Variants in CNBD1 observed in about 807,000 individuals in gnomAD.
The protein encoded by CNBD1 is cyclic nucleotide-binding domain-containing protein 1.
Under a neutral mutation model 54.4 loss-of-function variants are expected in CNBD1, and 71 were observed. The observed-to-expected ratio is 1.30, with a 90% CI of 1.08 to 1.59. The LOEUF is 1.59. Ranked by LOEUF, CNBD1 falls within the 40% of genes most tolerant of loss-of-function variation. The pLI is 0.00. For synonymous variants in CNBD1, 182 were observed against 170.7 expected (o/e 1.07, Z -0.51); for missense variants, 659 against 518.0 (o/e 1.27, Z -2.64).
At chr8:87,152,397 G>A (rs1812623104) in intron 4 of CNBD1, among the ~76,000 whole-genome samples, 1 of 149,844 alleles carries the variant, frequency 6.7e-6, no homozygotes, top group African/African-American at 2.5e-5. Context: ...ATTGTCTTTG[G>A]CCACACAGAA....
At chr8:87,138,085 A>T (rs1285639274) in intron 4 of CNBD1, among the ~76,000 whole-genome samples, 1 of 152,170 alleles carries the variant, frequency 6.6e-6, no homozygotes, top group Non-Finnish European at 1.5e-5. Flanking sequence ...GTTACCAGAT[A>T]GGTTAGTTGA....
intron 8 of CNBD1, among the ~76,000 whole-genome samples, chr8:87,348,317 T>C (rs1714425785): frequency 6.6e-6 from 1 of 152,168 alleles, no homozygotes; most frequent in Admixed American, 6.5e-5. Context: ...GTGTTTAATA[T>C]TGGGTAAAGT....
chr8:87,076,568 G>T (rs7015730), intron 4 of CNBD1, among the ~76,000 whole-genome samples: 34,421 of 151,678 alleles, frequency 0.23, 4,117 homozygotes, highest in Middle Eastern at 0.29. Context: ...TCAGCCTCCT[G>T]GGTAGCTGGG....
At chr8:87,420,963 A>G (rs909875101) in intron 2 of CNBD1, among the ~76,000 whole-genome samples, 11 of 152,092 alleles carry the variant, frequency 7.2e-5, no homozygotes, top group African/African-American at 2.4e-4. Context: ...GATGACTGTT[A>G]TAGAGACCTA....
rs548015034 is a variant in CNBD1 at position 87,155,507 on chromosome 8, T to C, written c.432-50486T>C. 1.6e-4 allele frequency among the ~76,000 whole-genome samples: 25 copies of C among 152,284 alleles called. No homozygotes were observed. In the South Asian group the frequency reaches 2.3e-3, roughly 14 times the overall value. On this transcript the variant is annotated intron_variant, in intron 4 of 10. Transcript: ENST00000518476. ...AATTCATTGGAGAAGGGGATGAATA[T>C]GGAATACACATAGGAGGTTGAATGA...
chr8:87,241,034 C>A (rs1423705196), intron 6 of CNBD1, among the ~76,000 whole-genome samples: 1 of 152,084 alleles, frequency 6.6e-6, no homozygotes, highest in South Asian at 2.1e-4. Flanking sequence ...TGTGTCCTCA[C>A]TCTGAGCCCA....
chr8:86,951,692 T>C (rs1051677302), intron 4 of CNBD1, among the ~76,000 whole-genome samples: 3 of 145,220 alleles, frequency 2.1e-5, no homozygotes, highest in Non-Finnish European at 4.5e-5. Flanking sequence ...ACAAAAGACA[T>C]CTTGTTTAAT....
intron 8 of CNBD1, among the ~76,000 whole-genome samples, chr8:87,327,744 T>C (rs1181853794): frequency 6.6e-6 from 1 of 152,172 alleles, no homozygotes. Flanking sequence ...CAGATGGAAA[T>C]GCAGAAATCA....
intron 4 of CNBD1, among the ~76,000 whole-genome samples, chr8:86,992,807 T>C (rs1037120426): frequency 3.3e-5 from 5 of 152,180 alleles, no homozygotes; most frequent in African/African-American, 1.2e-4. Context: ...ATTTCTGGCT[T>C]GTAAGGTCTG....
chr8:87,020,708 C>T (rs961312262), intron 4 of CNBD1, among the ~76,000 whole-genome samples: 1 of 152,142 alleles, frequency 6.6e-6, no homozygotes, highest in Non-Finnish European at 1.5e-5. Flanking sequence ...TATTTCCTTG[C>T]CATACCTTAA....
intron 2 of CNBD1, among the ~76,000 whole-genome samples, chr8:87,397,053 A>G (rs1811420562): frequency 6.6e-6 from 1 of 151,910 alleles, no homozygotes; most frequent in Admixed American, 6.6e-5. Flanking sequence ...CTTTTAAAAT[A>G]TAATTTTTGA....
At chr8:87,109,145 T>C (rs1371221830) in intron 4 of CNBD1, among the ~76,000 whole-genome samples, 1 of 152,176 alleles carries the variant, frequency 6.6e-6, no homozygotes, top group African/African-American at 2.4e-5. Flanking sequence ...ATGAATTTTA[T>C]GACATCTCAC....
rs775872618 is a variant in CNBD1, at chr8:87,351,721, G to T, written c.1079G>T (p.Gly360Val). ...AGTGGAAATATAATTTCTTTTGTGG[G>T]TTATATTAACTCTGGATGCTGTAAC... ...VESGNIISFV[G>V]YINSGCCNIY... Residue 360 changes from glycine (G) to valine (V), a missense_variant, in exon 9 of 11, where the codon GGT becomes GTT. By Grantham distance (109) the Gly-to-Val change is moderately radical. Transcript: ENST00000518476. 2.0e-6 allele frequency: 3 copies of T among 1,531,962 alleles called. No individual in the cohort carries two copies. The highest frequency in any genetic ancestry group is 1.3e-5 in the South Asian group (1 of 77,054). 94.9% of individuals were successfully genotyped at this position (1,531,962 alleles called of 1,614,324 possible).
chr8:87,320,538 C>T (rs1168740299), intron 8 of CNBD1, among the ~76,000 whole-genome samples: 1 of 150,080 alleles, frequency 6.7e-6, no homozygotes, highest in East Asian at 2.0e-4. Flanking sequence ...TCCCTTAGTT[C>T]AATCATTGAT....
chr8:87,197,540 AG>A (rs1813747741), intron 4 of CNBD1, among the ~76,000 whole-genome samples: 2 of 152,240 alleles, frequency 1.3e-5, no homozygotes, highest in South Asian at 4.1e-4. Flanking sequence ...TGGTAACAGG[AG>A]GTGAAATGGG....
chr8:86,885,451 G>T (rs1437528524), intron 1 of CNBD1, among the ~76,000 whole-genome samples: 1 of 151,978 alleles, frequency 6.6e-6, no homozygotes, highest in Non-Finnish European at 1.5e-5. Context: ...CGTGTTATAG[G>T]GTTAAGTCTT....
chr8:86,906,504 A>T (rs1236897099), intron 3 of CNBD1, among the ~76,000 whole-genome samples: 2 of 129,376 alleles, frequency 1.5e-5, no homozygotes. Context: ...ATCTGGAATG[A>T]TCATACAATG....
chr8:87,356,099 T>C (rs1810414857), intron 10 of CNBD1, among the ~76,000 whole-genome samples: 1 of 124,860 alleles, frequency 8.0e-6, no homozygotes, highest in Non-Finnish European at 1.8e-5. Flanking sequence ...GTTGCCATGC[T>C]TGTTAGACCC....
chr8:87,329,376 G>A (rs1341142097), intron 8 of CNBD1, among the ~76,000 whole-genome samples: 1 of 151,936 alleles, frequency 6.6e-6, no homozygotes, highest in Non-Finnish European at 1.5e-5. Flanking sequence ...TATTGTATTG[G>A]CTATTCTGGG....
Sources: gnomAD v4.1 joint callset for allele counts (sites outside exome capture counted in the v4.1 genomes callset) on GRCh38, gnomAD v4.1.1 for gene constraint, MANE v1.5 for transcripts, NCBI Gene and HGNC (gene_info 2026-07-23, HGNC 2026-07-21) for gene names.